CACNA1H: variants seen among roughly 807,000 people sequenced by gnomAD.
CACNA1H encodes the protein voltage-dependent T-type calcium channel subunit alpha-1H.
In CACNA1H, 149 loss-of-function variants were observed where a neutral mutation model predicts 192.5. The observed-to-expected ratio is 0.77, with a 90% CI of 0.68 to 0.89. The LOEUF (loss-of-function observed/expected upper bound fraction) is 0.89. CACNA1H is among the 40% of genes least tolerant of loss of function. The pLI is 0.00. For synonymous variants in CACNA1H, 2,202 were observed against 1,475.2 expected (o/e 1.49, Z -11.29); for missense variants, 4,257 against 3,423.5 (o/e 1.24, Z -6.08).
chr16:1,195,370 G>C lies in CACNA1H; in HGVS notation c.412-62G>C, dbSNP rs370537514. The C allele has an allele frequency of 4.9e-5, 75 of 1,545,674 alleles. 2 individuals carry two copies. The African/African-American group carries it at 7.4e-4, about 15-fold the overall frequency. ...GGGGGCCGGGCTCTTGCGGGGCTGG[G>C]GTTGGGGGTTGTGGGCTGAGCTGAG... is the stretch of plus-strand genomic sequence containing the variant. On this transcript the variant is annotated intron_variant, in intron 3 of 34. Transcript: ENST00000348261.
At chr16:1,212,391 CCTCA>C in intron 25 of CACNA1H, 116 bp from the exon 26 acceptor site, 2 of 1,129,932 alleles carry the variant, frequency 1.8e-6, no homozygotes, top group East Asian at 2.6e-5. Flanking sequence ...CCCACCGAGT[CCTCA>C]CTCCACGAGG....
chr16:1,203,981 C>A, intron 9 of CACNA1H, 29 bp from the exon 10 acceptor site: 2 of 1,486,034 alleles, frequency 1.3e-6, no homozygotes, highest in Non-Finnish European at 1.8e-6. Flanking sequence ...ACTGAGTGGG[C>A]CTGCCCCTGT....
In CACNA1H at chr16:1,216,949, T is replaced by C; in HGVS notation, c.5262T>C (p.Leu1754=). The change falls in exon 31 of 35, where the codon CTT becomes CTC. Residue 1754 remains leucine, a synonymous_variant. Transcript: ENST00000348261. ...QALPQVGNLG[L]LFMLLFFIYA... ...TTGTGTAGGTGGGGAACCTGGGCCT[T>C]CTTTTCATGCTCCTGTTTTTTATCT... 1 of 1,604,650 alleles carries C rather than the reference T, an allele frequency of 6.2e-7. No individual in the cohort carries two copies. Among genetic ancestry groups the C allele is most frequent in the Non-Finnish European group, 8.5e-7 (1 of 1,175,808 alleles).
Position 1,195,565 on chromosome 16 carries a change from G to C in CACNA1H, c.545G>C (p.Gly182Ala). 6.3e-7 allele frequency: 1 copy of C among 1,589,326 alleles called. No individual in the cohort carries two copies. Among genetic ancestry groups the C allele is most frequent in the Non-Finnish European group, 8.6e-7 (1 of 1,168,376 alleles). ...CTGGATTTCTTCATCGTCGTGGCGG[G>C]GTAGGCCCCGCCTGGGAGAGGCCAC... ...NRLDFFIVVA[G>A]MMEYSLDGHN... The change falls in exon 4 of 35, where the codon GGC becomes GCC. Residue 182 changes from glycine (G) to alanine (A), a missense_variant and splice_region_variant. By Grantham distance (60) the Gly-to-Ala change is moderately conservative. Coordinates refer to ENST00000348261, the MANE Select transcript of CACNA1H (RefSeq NM_021098.3).
chr16:1,195,396 C>G, intron 3 of CACNA1H, 36 bp from the exon 4 acceptor site: 3 of 1,549,908 alleles, frequency 1.9e-6, no homozygotes, highest in Non-Finnish European at 2.6e-6. Flanking sequence ...CTGAGCTGAG[C>G]TGTTCCACGG....
At chr16:1,201,579 C>T (rs1033215708) in intron 8 of CACNA1H, 84 bp from the exon 9 acceptor site, 11 of 1,449,050 alleles carry the variant, frequency 7.6e-6, no homozygotes, top group Middle Eastern at 2.5e-4. Context: ...GGCCCCCACT[C>T]GAACAGGCAG....
chr16:1,201,952 G>A lies in CACNA1H; in HGVS notation c.1502G>A (p.Gly501Glu), dbSNP rs768197900. 9.2e-5 allele frequency: 142 copies of A among 1,546,646 alleles called. No individual in the cohort carries two copies. Among genetic ancestry groups the A allele is most frequent in the South Asian group, 9.2e-4 (77 of 83,958 alleles). Residue 501 changes from glycine (G) to glutamate (E), a missense_variant, in exon 9 of 35, where the codon GGG becomes GAG. By Grantham distance (98) the Gly-to-Glu change is moderately conservative. Coordinates refer to ENST00000348261, the MANE Select transcript of CACNA1H (RefSeq NM_021098.3). The part of the protein sequence containing the change: ...DPSAVQGQGP[G>E]HRQRRAGRHT... ...AGTGCTGTGCAAGGCCAGGGTCCCG[G>A]GCACCGCCAGCGCCGGGCAGGCAGG...
intron 2 of CACNA1H, chr16:1,159,657 G>A (rs908908986): frequency 4.6e-5 from 7 of 152,538 alleles, no homozygotes; most frequent in Non-Finnish European, 7.3e-5. Flanking sequence ...CCTGGGGGCC[G>A]GGCTTAGCAG....
chr16:1,203,974 G>A (rs998429492), intron 9 of CACNA1H, 36 bp from the exon 10 acceptor site: 1 of 1,457,944 alleles, frequency 6.9e-7, no homozygotes, highest in African/African-American at 1.4e-5. Context: ...CAGCACCACT[G>A]AGTGGGCCTG....
chr16:1,155,611 T>C (rs1266426229), intron 2 of CACNA1H, among the ~76,000 whole-genome samples: 1 of 152,036 alleles, frequency 6.6e-6, no homozygotes. Context: ...GCCTGGACTC[T>C]CTCCTCACAG....
chr16:1,171,346 G>T (rs1240598436), intron 2 of CACNA1H, among the ~76,000 whole-genome samples: 1 of 152,156 alleles, frequency 6.6e-6, no homozygotes, highest in Non-Finnish European at 1.5e-5. Flanking sequence ...AGAGGACGAG[G>T]CCCAGATGGG....
At chr16:1,162,366 A>C (rs1436179828) in intron 2 of CACNA1H, among the ~76,000 whole-genome samples, 1 of 151,428 alleles carries the variant, frequency 6.6e-6, no homozygotes. Context: ...TCCCCACCTC[A>C]CCTGTGGGCC....
chr16:1,196,168 TG>T, intron 5 of CACNA1H, 145 bp downstream of exon 5: 2 of 658,996 alleles, frequency 3.0e-6, no homozygotes, highest in Non-Finnish European at 5.3e-6. Flanking sequence ...ACCCCAGCAG[TG>T]GGGTGGCCCC....
At chr16:1,215,103 T>G in intron 28 of CACNA1H, 22 bp downstream of exon 28, 1 of 1,599,712 alleles carries the variant, frequency 6.3e-7, no homozygotes, top group Non-Finnish European at 8.5e-7. Context: ...GGGGCCGTCT[T>G]GGGTTCTGGG....
At position 1,202,146 on chromosome 16, in the gene CACNA1H, C is replaced by T. The variant is rs891039616; in HGVS notation, c.1696C>T (p.Pro566Ser). ...PPSPPSPGRGPPDAESVHSIY... is the reference protein window; with the variant it reads ...PPSPPSPGRGSPDAESVHSIY... ...CTCGCCACCTTCCCCAGGCCGCGGA[C>T]CCCCCGACGCAGAGTCTGTGCACAG... is the stretch of plus-strand genomic sequence containing the variant. The change falls in exon 9 of 35, where the codon CCC (proline) becomes TCC (serine). Residue 566 changes from proline to serine, a missense_variant. Pro to Ser is a moderately conservative substitution (Grantham distance 74). Coordinates refer to ENST00000348261, the MANE Select transcript of CACNA1H (RefSeq NM_021098.3). The T allele has an allele frequency of 6.5e-7, 1 of 1,547,368 alleles. No homozygotes were observed. Among genetic ancestry groups the T allele is most frequent in the South Asian group, 1.2e-5 (1 of 83,994 alleles).
intron 2 of CACNA1H, among the ~76,000 whole-genome samples, chr16:1,182,694 A>C (rs1436507523): frequency 6.6e-6 from 1 of 152,084 alleles, no homozygotes; most frequent in Non-Finnish European, 1.5e-5. Context: ...GACTCAGAGC[A>C]GACTGGGGGT....
At chr16:1,219,774 C>G (rs1970334091) in intron 34 of CACNA1H, among the ~76,000 whole-genome samples, 1 of 108,558 alleles carries the variant, frequency 9.2e-6, no homozygotes, top group South Asian at 2.8e-4. Flanking sequence ...CGGGTACAGG[C>G]TTTCCCCGGG....
intron 9 of CACNA1H, among the ~76,000 whole-genome samples, chr16:1,203,432 G>T (rs749761706): frequency 2.6e-5 from 4 of 152,188 alleles, no homozygotes; most frequent in Non-Finnish European, 5.9e-5. Context: ...GCAGGCAAAC[G>T]TCTCTGCACC....
chr16:1,174,920 C>T (rs1364141596), intron 2 of CACNA1H, among the ~76,000 whole-genome samples: 2 of 150,180 alleles, frequency 1.3e-5, no homozygotes, highest in African/African-American at 4.9e-5. Context: ...CCCGCACCTT[C>T]ACCCCCAACC....
Sources: allele counts gnomAD v4.1 joint callset (sites outside exome capture counted in the v4.1 genomes callset), GRCh38; gene constraint gnomAD v4.1.1; transcripts MANE v1.5; gene names NCBI Gene and HGNC (gene_info 2026-07-23, HGNC 2026-07-21).